The following FBXL7 variants were observed in gnomAD, a reference collection of about 807,000 sequenced individuals.
FBXL7 encodes F-box/LRR-repeat protein 7.
FBXL7 carries 12 observed loss-of-function variants against 38.3 expected under a neutral mutation model. The observed-to-expected ratio is 0.31, with a 90% CI of 0.20 to 0.51. The LOEUF (loss-of-function observed/expected upper bound fraction) is 0.51. Ranked by LOEUF, FBXL7 falls within the 20% of genes least tolerant of loss-of-function variation. FBXL7 has a pLI of 0.98. For missense variants in FBXL7, 567 were observed against 676.4 expected (o/e 0.84, Z 1.79); for synonymous variants, 297 against 300.9 (o/e 0.99, Z 0.13).
chr5:15,636,069 C>T (rs770437017), intron 2 of FBXL7, among the ~76,000 whole-genome samples: 3 of 150,882 alleles, frequency 2.0e-5, no homozygotes, highest in Admixed American at 1.3e-4. Context: ...ACCATCCACA[C>T]GAGTGGGCAA....
intron 1 of FBXL7, among the ~76,000 whole-genome samples, chr5:15,574,391 AT>A (rs1367111876): frequency 9.8e-5 from 15 of 152,356 alleles, no homozygotes; most frequent in Non-Finnish European, 2.1e-4. Context: ...AGAGAAAGAT[AT>A]TTTTTAGGAT....
chr5:15,538,482 TGTACAC>T (rs1321828384), intron 1 of FBXL7, among the ~76,000 whole-genome samples: 1 of 152,218 alleles, frequency 6.6e-6, no homozygotes, highest in Admixed American at 6.5e-5. Flanking sequence ...TTTTGTGTCT[TGTACAC>T]AACACAATTG....
chr5:15,705,754 G>T (rs1307546395), intron 2 of FBXL7, among the ~76,000 whole-genome samples: 1 of 152,094 alleles, frequency 6.6e-6, no homozygotes, highest in African/African-American at 2.4e-5. Flanking sequence ...ATATTGGGTG[G>T]TGGGAAGTCA....
chr5:15,601,089 A>T (rs1739774060), intron 1 of FBXL7, among the ~76,000 whole-genome samples: 1 of 152,218 alleles, frequency 6.6e-6, no homozygotes, highest in African/African-American at 2.4e-5. Context: ...TGAATGAATG[A>T]ATGAGTGACT....
At chr5:15,715,482 T>C (rs1579401815) in intron 2 of FBXL7, among the ~76,000 whole-genome samples, 2 of 105,620 alleles carry the variant, frequency 1.9e-5, no homozygotes, top group Admixed American at 1.4e-4. Context: ...AGAGCGAGAC[T>C]CCGTCTCAAA....
chr5:15,747,098 C>T (rs1001098006), intron 2 of FBXL7, among the ~76,000 whole-genome samples: 8 of 152,020 alleles, frequency 5.3e-5, no homozygotes, highest in African/African-American at 1.7e-4. Context: ...CACAACTTTG[C>T]CCTCAGAAAG....
intron 1 of FBXL7, among the ~76,000 whole-genome samples, chr5:15,511,418 G>A (rs1434279293): frequency 6.6e-6 from 1 of 152,164 alleles, no homozygotes; most frequent in Non-Finnish European, 1.5e-5. Context: ...TAGCCTTTGT[G>A]CCTACACACA....
chr5:15,567,004 G>A (rs897469517), intron 1 of FBXL7, among the ~76,000 whole-genome samples: 9 of 152,066 alleles, frequency 5.9e-5, no homozygotes, highest in African/African-American at 1.9e-4. Flanking sequence ...TTTGTCAAAG[G>A]GATGTGCATC....
At chr5:15,895,374 G>A (rs981449580) in intron 2 of FBXL7, among the ~76,000 whole-genome samples, 2 of 151,952 alleles carry the variant, frequency 1.3e-5, no homozygotes, top group Non-Finnish European at 2.9e-5. Flanking sequence ...TTGAAGGCAA[G>A]GAAACCAAGT....
chr5:15,773,028 A>G (rs542785268), intron 2 of FBXL7, among the ~76,000 whole-genome samples: 2 of 152,218 alleles, frequency 1.3e-5, no homozygotes, highest in Middle Eastern at 3.4e-3. Context: ...CCGAGCAGCT[A>G]GAACCACAGG....
At chr5:15,723,503 TC>T (rs1384208297) in intron 2 of FBXL7, among the ~76,000 whole-genome samples, 1 of 152,154 alleles carries the variant, frequency 6.6e-6, no homozygotes, top group African/African-American at 2.4e-5. Flanking sequence ...GTATAAATAC[TC>T]CTACAGTTGC....
rs889579130 is a variant in FBXL7 at position 15,652,545 on chromosome 5, C to T, written c.127+36473C>T. ...CCTCCCAAAGTGCTGGGATTACAGG[C>T]GTGAGCCATAAGCCTGGCCAAGAAA... On this transcript the variant is annotated intron_variant, in intron 2 of 3. Transcript: ENST00000504595. Among the ~76,000 whole-genome samples, 4 of 152,174 alleles carry T rather than the reference C, an allele frequency of 2.6e-5. No individual in the cohort carries two copies. In the East Asian group the frequency reaches 5.8e-4, roughly 22 times the overall value.
chr5:15,794,944 CTGTTT>C (rs919296871), intron 2 of FBXL7, among the ~76,000 whole-genome samples: 1 of 152,150 alleles, frequency 6.6e-6, no homozygotes, highest in African/African-American at 2.4e-5. Context: ...TACTTTTCAA[CTGTTT>C]TGTTTTGTTT....
At chr5:15,885,301 G>A (rs1180990017) in intron 2 of FBXL7, among the ~76,000 whole-genome samples, 1 of 152,210 alleles carries the variant, frequency 6.6e-6, no homozygotes, top group Non-Finnish European at 1.5e-5. Flanking sequence ...ATCAGAGTGA[G>A]CAAGTGAGAG....
intron 1 of FBXL7, among the ~76,000 whole-genome samples, chr5:15,519,454 A>AC (rs1049838865): frequency 3.5e-5 from 5 of 144,540 alleles, no homozygotes; most frequent in African/African-American, 1.4e-4. Flanking sequence ...CAAAAAAAAA[A>AC]AACAAACAAA....
chr5:15,603,714 C>A (rs1005265429), intron 1 of FBXL7, among the ~76,000 whole-genome samples: 3 of 152,180 alleles, frequency 2.0e-5, no homozygotes, highest in African/African-American at 7.2e-5. Flanking sequence ...CCAGTTAGGA[C>A]ATTCAGTGTA....
intron 2 of FBXL7, among the ~76,000 whole-genome samples, chr5:15,625,295 G>A (rs1740774432): frequency 6.6e-6 from 1 of 152,132 alleles, no homozygotes; most frequent in South Asian, 2.1e-4. Flanking sequence ...TCATTATATA[G>A]GATCTAAAGT....
Position 15,685,028 on chromosome 5 carries a change from A to AT in FBXL7, c.127+68966dup, listed in dbSNP as rs961164449. 9.2e-4 allele frequency among the ~76,000 whole-genome samples: 138 copies of AT among 150,558 alleles called. 1 individual carries two copies. The highest frequency in any genetic ancestry group is 2.5e-3 in the African/African-American group (101 of 41,036). On this transcript the variant is annotated intron_variant, in intron 2 of 3. Coordinates refer to ENST00000504595, the MANE Select transcript of FBXL7 (RefSeq NM_012304.5). ...CTAAGCATTTCTCTGAATAAAGAGG[A>AT]TTTTTTTTTTCTGCTTGTGACATTT...
chr5:15,529,933 C>G (rs1309316557), intron 1 of FBXL7, among the ~76,000 whole-genome samples: 1 of 152,090 alleles, frequency 6.6e-6, no homozygotes, highest in Non-Finnish European at 1.5e-5. Flanking sequence ...ATAGTTTCCC[C>G]ATAACTAGGG....
Sources: allele counts gnomAD v4.1 joint callset (sites outside exome capture counted in the v4.1 genomes callset), GRCh38; gene constraint gnomAD v4.1.1; transcripts MANE v1.5; gene names NCBI Gene and HGNC (gene_info 2026-07-23, HGNC 2026-07-21).